The following RBM38 variants were observed in gnomAD, a reference collection of about 807,000 sequenced individuals.
RBM38 encodes RNA binding motif protein 38.
A neutral mutation model predicts 23.5 loss-of-function variants in RBM38; 11 were observed. The ratio of observed to expected loss-of-function variants is 0.47; its 90% CI spans 0.29 to 0.77. The LOEUF is 0.77. Among genes scored for constraint, RBM38 ranks in the 30% least tolerant of loss-of-function variants. The pLI, the probability that RBM38 is intolerant of heterozygous loss-of-function variation, is 0.08. For missense variants in RBM38, 330 were observed against 351.9 expected (o/e 0.94, Z 0.50); for synonymous variants, 165 against 166.1 (o/e 0.99, Z 0.05).
chr20:57,399,662 C>CTG (rs2067307973), intron 3 of RBM38, among the ~76,000 whole-genome samples: 1 of 152,212 alleles, frequency 6.6e-6, no homozygotes, highest in Non-Finnish European at 1.5e-5. Context: ...GGCGTTCGAC[C>CTG]TGTGTCCTGT....
Position 57,391,596 on chromosome 20 carries a change from C to T in RBM38, c.15C>T (p.Pro5=). Residue 5 remains proline, a synonymous_variant, in exon 1 of 4, where the codon CCC becomes CCT. Coordinates refer to ENST00000356208, the MANE Select transcript of RBM38 (RefSeq NM_017495.6). MLLQ[P]APCAPSAGFP... ...GGGCGCCCCCCATGCTGCTGCAGCC[C>T]GCGCCGTGCGCCCCGAGCGCGGGCT... is the stretch of plus-strand genomic sequence containing the variant. 1.5e-6 allele frequency: 2 copies of T among 1,359,508 alleles called. No homozygotes were observed. The highest frequency in any genetic ancestry group is 1.9e-6 in the Non-Finnish European group (2 of 1,043,566). 84.2% of individuals were successfully genotyped at this position (1,359,508 alleles called of 1,614,324 possible). A position where few individuals can be genotyped will look rare whatever the true frequency, so the allele number is the denominator to read the frequency against.
chr20:57,403,479 G>A (rs2067350317), intron 3 of RBM38, among the ~76,000 whole-genome samples: 1 of 152,124 alleles, frequency 6.6e-6, no homozygotes, highest in African/African-American at 2.4e-5. Context: ...CTGAACCTGG[G>A]GCCCCAGCCA....
At chr20:57,406,492 T>C (rs541299002) in intron 3 of RBM38, among the ~76,000 whole-genome samples, 2 of 152,256 alleles carry the variant, frequency 1.3e-5, no homozygotes, top group African/African-American at 4.8e-5. Flanking sequence ...ATGGGCCTCA[T>C]GATGGGAAGA....
chr20:57,401,091 G>T (rs1385828092), intron 3 of RBM38, among the ~76,000 whole-genome samples: 1 of 151,326 alleles, frequency 6.6e-6, no homozygotes, highest in Non-Finnish European at 1.5e-5. Flanking sequence ...CTGGCCGCTG[G>T]TCTGTTTTGC....
intron 3 of RBM38, among the ~76,000 whole-genome samples, chr20:57,398,544 C>T (rs138028667): frequency 1.7e-3 from 251 of 145,378 alleles, no homozygotes; most frequent in African/African-American, 6.9e-3. Flanking sequence ...GTGGCCCCGC[C>T]GCCCCCCTGC....
intron 3 of RBM38, among the ~76,000 whole-genome samples, chr20:57,397,234 C>T (rs2067283258): frequency 6.6e-6 from 1 of 152,246 alleles, no homozygotes; most frequent in African/African-American, 2.4e-5. Flanking sequence ...GCATCTCTTG[C>T]CGGCCCTGCT....
At chr20:57,404,671 A>T (rs1449606535) in intron 3 of RBM38, among the ~76,000 whole-genome samples, 1 of 152,206 alleles carries the variant, frequency 6.6e-6, no homozygotes, top group African/African-American at 2.4e-5. Context: ...CCATGTGCCC[A>T]GTGCCTCCTA....
Position 57,407,748 on chromosome 20 carries a change from C to A in RBM38, c.622C>A (p.Pro208Thr). ...TGCCAGCTTCGTGGGCTACAGCTAC[C>A]CTGCCGCCGTGCCCCAGGCCCTCTC... ...TAASFVGYSY[P>T]AAVPQALSAA... The change falls in exon 4 of 4, where the codon CCT (proline) becomes ACT (threonine). Residue 208 changes from proline to threonine, a missense_variant. Physicochemically the swap from Pro to Thr is conservative, Grantham distance 38. Coordinates refer to ENST00000356208, the MANE Select transcript of RBM38 (RefSeq NM_017495.6). The surrounding 1 kb of genome is among the most constrained non-coding windows in gnomAD (Gnocchi z 4.0). The A allele has an allele frequency of 1.2e-6, 2 of 1,610,824 alleles. No individual in the cohort carries two copies. The highest frequency in any genetic ancestry group is 8.5e-7 in the Non-Finnish European group (1 of 1,179,464).
rs146786659 is a variant in RBM38, at chr20:57,394,155, T to G, written c.416+822T>G. Among the ~76,000 whole-genome samples, 354 of 152,266 alleles carry G rather than the reference T, an allele frequency of 2.3e-3. 3 individuals carry two copies. The Middle Eastern group carries it at 0.044, about 19-fold the overall frequency. On this transcript the variant is annotated intron_variant, in intron 3 of 3. Coordinates refer to ENST00000356208, the MANE Select transcript of RBM38 (RefSeq NM_017495.6). ...CCACCCCTTTCAGGGCATTGGCACT[T>G]CATGAACTTTCTGAATCCAAATCCC...
chr20:57,406,138 G>A (rs1205143320), intron 3 of RBM38, among the ~76,000 whole-genome samples: 1 of 152,238 alleles, frequency 6.6e-6, no homozygotes, highest in African/African-American at 2.4e-5. Context: ...ACCACTCCGT[G>A]CCTCGGACTC....
chr20:57,392,482 G>A (rs2146199856), intron 1 of RBM38, 172 bp from the exon 2 acceptor site: 2 of 1,534,308 alleles, frequency 1.3e-6, no homozygotes, highest in East Asian at 4.9e-5. Context: ...ATCTTTGTGG[G>A]AGAGCCCCAG....
intron 1 of RBM38, 79 bp downstream of exon 1, chr20:57,391,897 C>G (rs1302819110): frequency 9.8e-7 from 1 of 1,022,454 alleles, no homozygotes; most frequent in Non-Finnish European, 1.3e-6. Context: ...CTCCGGGGCA[C>G]ACGCCCAGAC....
intron 3 of RBM38, among the ~76,000 whole-genome samples, chr20:57,404,542 G>A (rs915489079): frequency 2.0e-5 from 3 of 152,190 alleles, no homozygotes; most frequent in South Asian, 2.1e-4. Flanking sequence ...GTCTCCACTC[G>A]CCCCCTTCCC....
chr20:57,408,586 A>G lies in RBM38; in HGVS notation c.*740A>G, dbSNP rs1203792430. The G allele has an allele frequency of 2.6e-5, 4 of 152,214 alleles. No individual in the cohort carries two copies. The highest frequency in any genetic ancestry group is 4.4e-5 in the Non-Finnish European group (3 of 68,080). The allele number at this position is 152,214 out of a possible 1,614,324, so 9.4% of individuals were successfully genotyped here. A position where few individuals can be genotyped will look rare whatever the true frequency, so the allele number is the denominator to read the frequency against. Reference sequence around the variant, plus strand: ...TGCCGCCACCAAGAATCCAAAACCTATTTTTGACTTGGAGAGACTTGCTTT... The same window carrying G: ...TGCCGCCACCAAGAATCCAAAACCTGTTTTTGACTTGGAGAGACTTGCTTT... On this transcript the variant is annotated 3_prime_UTR_variant, in exon 4 of 4. Transcript: ENST00000356208.
At chr20:57,394,671 AGGGT>A (rs888535025) in intron 3 of RBM38, among the ~76,000 whole-genome samples, 2 of 151,972 alleles carry the variant, frequency 1.3e-5, no homozygotes, top group Non-Finnish European at 2.9e-5. Context: ...GTCGTCTTAG[AGGGT>A]GTTTGGGGAC....
chr20:57,403,035 G>A (rs1302733602), intron 3 of RBM38, among the ~76,000 whole-genome samples: 2 of 152,184 alleles, frequency 1.3e-5, no homozygotes, highest in African/African-American at 4.8e-5. Flanking sequence ...AGCATTGTAG[G>A]AAGCGGTCAG....
At chr20:57,392,210 A>C (rs1189119309) in intron 1 of RBM38, 2 of 335,226 alleles carry the variant, frequency 6.0e-6, no homozygotes, top group Non-Finnish European at 1.2e-5. Flanking sequence ...TATTTTTAAC[A>C]GCCCTCTCAG....
In RBM38 at chr20:57,407,663, C is replaced by T. The variant is rs200910302; in HGVS notation, c.537C>T (p.Tyr179=). 4.1e-5 allele frequency: 66 copies of T among 1,613,006 alleles called. No homozygotes were observed. In the African/African-American group the frequency reaches 6.7e-4, roughly 16 times the overall value. The part of the protein sequence containing the change: ...YIEYTPASPA[Y]AQYPPATYDQ... ...AGTACACGCCGGCCAGCCCGGCCTA[C>T]GCCCAGTACCCACCGGCCACCTATG... The change falls in exon 4 of 4, where the codon TAC becomes TAT. Residue 179 remains tyrosine (Y), a synonymous_variant. Transcript: ENST00000356208. The surrounding 1 kb of genome is among the most constrained non-coding windows in gnomAD (Gnocchi z 4.0).
Position 57,393,039 on chromosome 20 carries a change from C to T in RBM38, c.362-240C>T, listed in dbSNP as rs150527668. The T allele has an allele frequency of 3.4e-4, 223 of 647,904 alleles. 1 individual carries two copies. Among genetic ancestry groups the T allele is most frequent in the Admixed American group, 1.5e-3 (52 of 34,468 alleles). The allele number at this position is 647,904 out of a possible 1,614,324, so 40.1% of individuals were successfully genotyped here. A position where few individuals can be genotyped will look rare whatever the true frequency, so the allele number is the denominator to read the frequency against. On this transcript the variant is annotated intron_variant, in intron 2 of 3. Transcript: ENST00000356208. ...TGTCCTCGCAGGAGGGAGGAAGTGG[C>T]CATGGGGCCTGGAGGTTGGGAGTGC...
Sources: gnomAD v4.1 joint callset for allele counts (sites outside exome capture counted in the v4.1 genomes callset) on GRCh38, gnomAD v4.1.1 for gene constraint, Gnocchi (gnomAD v3.1) non-coding constraint, MANE v1.5 for transcripts, NCBI Gene and HGNC (gene_info 2026-07-23, HGNC 2026-07-21) for gene names.